Variants in LIMD1 observed in about 807,000 individuals in gnomAD.
The protein encoded by LIMD1 is LIM domain containing 1, also known as LIM domain-containing protein 1.
LIMD1 carries 23 observed loss-of-function variants against 58.4 expected under a neutral mutation model. The ratio of observed to expected loss-of-function variants is 0.39; its 90% CI spans 0.28 to 0.56. The LOEUF (loss-of-function observed/expected upper bound fraction) is 0.56. Ranked by LOEUF, LIMD1 falls within the 20% of genes least tolerant of loss-of-function variation. LIMD1 has a pLI of 0.57. For synonymous variants in LIMD1, 334 were observed against 345.5 expected (o/e 0.97, Z 0.37); for missense variants, 838 against 855.5 (o/e 0.98, Z 0.25).
At chr3:45,615,133 ACAAATGAAGACC>A (rs1701564517) in intron 1 of LIMD1, among the ~76,000 whole-genome samples, 1 of 152,206 alleles carries the variant, frequency 6.6e-6, no homozygotes, top group Non-Finnish European at 1.5e-5. Context: ...GCCCTCATAA[ACAAATGAAGACC>A]CAAAGCAGTG....
chr3:45,658,548 T>TTC (rs894452364), intron 2 of LIMD1, among the ~76,000 whole-genome samples: 1 of 119,888 alleles, frequency 8.3e-6, no homozygotes, highest in Non-Finnish European at 1.6e-5. Context: ...TTTTTTTTTT[T>TTC]TTTTTTTTTT....
chr3:45,594,933 G>T lies in LIMD1; in HGVS notation c.54G>T (p.Leu18=). 1 of 1,613,484 alleles carries T rather than the reference G, an allele frequency of 6.2e-7. No individual in the cohort carries two copies. The highest frequency in any genetic ancestry group is 8.5e-7 in the Non-Finnish European group (1 of 1,179,994). ...GLEASKFIED[L]NMYEASKDGL... ...AGGCCAGTAAATTCATCGAGGACCT[G>T]AACATGTATGAGGCCTCTAAGGATG... Residue 18 remains leucine, a synonymous_variant, in exon 1 of 8, where the codon CTG becomes CTT. Transcript: ENST00000273317.
intron 6 of LIMD1, 156 bp downstream of exon 6, chr3:45,673,661 C>T (rs1342606444): frequency 3.3e-6 from 2 of 614,246 alleles, no homozygotes; most frequent in African/African-American, 4.5e-5. Flanking sequence ...GCCTGTAATC[C>T]CACCCCTTTT....
intron 1 of LIMD1, among the ~76,000 whole-genome samples, chr3:45,616,947 C>A (rs1701581818): frequency 6.6e-6 from 1 of 151,540 alleles, no homozygotes; most frequent in Non-Finnish European, 1.5e-5. Context: ...GTTGGCTAGG[C>A]TGGTCTCGAA....
At chr3:45,670,600 A>G (rs79034776) in intron 4 of LIMD1, among the ~76,000 whole-genome samples, 3,094 of 152,326 alleles carry the variant, frequency 0.02, 105 homozygotes, top group African/African-American at 0.07. Flanking sequence ...ACTTCCTTAC[A>G]GCAAGAGATA....
At position 45,666,042 on chromosome 3, in the gene LIMD1, G is replaced by GA. The variant is rs1284009293; in HGVS notation, c.1578+326dup. Among the ~76,000 whole-genome samples the GA allele has an allele frequency of 2.0e-5, 3 of 152,212 alleles. No individual in the cohort carries two copies. In the East Asian group the frequency reaches 5.8e-4, roughly 29 times the overall value. On this transcript the variant is annotated intron_variant, in intron 3 of 7. Coordinates refer to ENST00000273317, the MANE Select transcript of LIMD1 (RefSeq NM_014240.3). ...TTCTTCTCATCCCACTCTCTCTGGGGATCTAGCTTCTCCCATGGACTGGAA... is the reference window on the plus strand; with the variant it reads ...TTCTTCTCATCCCACTCTCTCTGGGGAATCTAGCTTCTCCCATGGACTGGAA...
chr3:45,673,420 G>A, intron 5 of LIMD1, 34 bp from the exon 6 acceptor site: 1 of 1,602,878 alleles, frequency 6.2e-7, no homozygotes, highest in South Asian at 1.1e-5. Context: ...GCTCCCAGAA[G>A]CAACATTTAT....
At chr3:45,643,715 G>A (rs1343997832) in intron 2 of LIMD1, among the ~76,000 whole-genome samples, 1 of 152,210 alleles carries the variant, frequency 6.6e-6, no homozygotes, top group African/African-American at 2.4e-5. Context: ...GAGCAGGGGG[G>A]TGCCCACCTT....
intron 2 of LIMD1, among the ~76,000 whole-genome samples, chr3:45,648,340 A>G (rs1378872742): frequency 6.6e-6 from 1 of 152,214 alleles, no homozygotes; most frequent in Non-Finnish European, 1.5e-5. Flanking sequence ...GAAATCATAC[A>G]ATATATGATC....
chr3:45,660,715 C>G (rs1021968199), intron 2 of LIMD1, among the ~76,000 whole-genome samples: 44 of 152,048 alleles, frequency 2.9e-4, no homozygotes, highest in Non-Finnish European at 6.2e-4. Flanking sequence ...CGCGCCCGGC[C>G]AGGTGGGCTG....
intron 7 of LIMD1, among the ~76,000 whole-genome samples, chr3:45,675,257 C>T (rs1408545446): frequency 2.6e-5 from 4 of 152,202 alleles, no homozygotes; most frequent in Admixed American, 6.5e-5. Flanking sequence ...GGGCCGGGCG[C>T]GATAGCTCAC....
In LIMD1 at chr3:45,596,241, A is replaced by G. The variant is rs754720405; in HGVS notation, c.1362A>G (p.Gln454=). The change falls in exon 1 of 8, where the codon CAA becomes CAG. Residue 454 remains glutamine, a synonymous_variant. Transcript: ENST00000273317. ...AAELKLEALT[Q]RLEREMDAHP... is the part of the protein sequence containing the mutation. ...AGTTGAAATTAGAAGCCCTCACCCA[A>G]CGTCTGGAGCGAGAGATGGATGCTC... The G allele has an allele frequency of 3.7e-6, 6 of 1,611,994 alleles. No homozygotes were observed. Among genetic ancestry groups the G allele is most frequent in the East Asian group, 2.2e-5 (1 of 44,848 alleles).
At chr3:45,674,978 C>T (rs1340335386) in intron 7 of LIMD1, among the ~76,000 whole-genome samples, 1 of 152,186 alleles carries the variant, frequency 6.6e-6, no homozygotes, top group Admixed American at 6.5e-5. Flanking sequence ...CCTCACCAAC[C>T]CTTGTGAAGG....
At chr3:45,672,604 T>C in intron 4 of LIMD1, 86 bp from the exon 5 acceptor site, 1 of 1,460,676 alleles carries the variant, frequency 6.8e-7, no homozygotes, top group South Asian at 1.2e-5. Flanking sequence ...ACTGCTCATG[T>C]AATCCTTAGG....
chr3:45,668,310 A>C lies in LIMD1; in HGVS notation c.1595A>C (p.Gln532Pro), dbSNP rs1697544452. ...CTTCTGCAGTACTCTGGTTTCCAGC[A>C]GTCGGCTGACAGGTGTTTTCTTTGT... ...EEDFLYSGFQ[Q>P]SADRCFLCGH... is the part of the protein sequence containing the mutation. The change falls in exon 4 of 8, where the codon CAG (glutamine) becomes CCG (proline). Residue 532 changes from glutamine (Q) to proline (P), a missense_variant. Physicochemically the swap from Gln to Pro is moderately conservative, Grantham distance 76. Coordinates refer to ENST00000273317, the MANE Select transcript of LIMD1 (RefSeq NM_014240.3). The C allele has an allele frequency of 6.2e-7, 1 of 1,613,122 alleles. No homozygotes were observed. Among genetic ancestry groups the C allele is most frequent in the African/African-American group, 1.3e-5 (1 of 75,050 alleles).
intron 2 of LIMD1, among the ~76,000 whole-genome samples, chr3:45,663,314 G>A (rs1392496500): frequency 1.3e-5 from 2 of 152,196 alleles, no homozygotes; most frequent in African/African-American, 4.8e-5. Context: ...CTTCTCAAGG[G>A]GCAACCTTAG....
intron 1 of LIMD1, among the ~76,000 whole-genome samples, chr3:45,621,431 G>A (rs1161239481): frequency 6.6e-6 from 1 of 151,984 alleles, no homozygotes; most frequent in Admixed American, 6.6e-5. Flanking sequence ...GTAGAGACAG[G>A]GGTCTTACTC....
At chr3:45,669,967 C>T (rs1697568686) in intron 4 of LIMD1, among the ~76,000 whole-genome samples, 1 of 152,184 alleles carries the variant, frequency 6.6e-6, no homozygotes, top group Non-Finnish European at 1.5e-5. Flanking sequence ...CAGCCCTCCC[C>T]ATTCGTGATG....
In LIMD1 at chr3:45,647,623, C is replaced by CT. The variant is rs1559521794; in HGVS notation, c.1510+11373dup. Among the ~76,000 whole-genome samples the CT allele has an allele frequency of 2.6e-5, 4 of 152,360 alleles. No homozygotes were observed. The East Asian group carries it at 7.7e-4, about 29-fold the overall frequency. Reference sequence around the variant, plus strand: ...ATGCCCTGTTTTGGGCAGAGCGTCTCTGTCTCTTGCATGGATCACTGCTGT... The same window carrying CT: ...ATGCCCTGTTTTGGGCAGAGCGTCTCTTGTCTCTTGCATGGATCACTGCTGT... On this transcript the variant is annotated intron_variant, in intron 2 of 7. Coordinates refer to ENST00000273317, the MANE Select transcript of LIMD1 (RefSeq NM_014240.3).
Sources: gnomAD v4.1 joint callset for allele counts (sites outside exome capture counted in the v4.1 genomes callset) on GRCh38, gnomAD v4.1.1 for gene constraint, MANE v1.5 for transcripts, NCBI Gene and HGNC (gene_info 2026-07-23, HGNC 2026-07-21) for gene names.